NPLOC4: variants seen among roughly 807,000 people sequenced by gnomAD.
NPLOC4 encodes nuclear protein localization protein 4 homolog.
Under a neutral mutation model 80.6 loss-of-function variants are expected in NPLOC4, and 18 were observed. The observed-to-expected ratio is 0.22, with a 90% CI of 0.15 to 0.33. The LOEUF (loss-of-function observed/expected upper bound fraction) is 0.33. Ranked by LOEUF, NPLOC4 falls within the 10% of genes least tolerant of loss-of-function variation. The pLI is 1.00. For synonymous variants in NPLOC4, 313 were observed against 301.5 expected (o/e 1.04, Z -0.39); for missense variants, 540 against 786.1 (o/e 0.69, Z 3.74).
rs199626420 is a variant in NPLOC4, at chr17:81,596,192, C to T, written c.1044G>A (p.Gln348=). 7.7e-5 allele frequency: 124 copies of T among 1,613,992 alleles called. No individual in the cohort carries two copies. The African/African-American group carries it at 1.6e-3, about 21-fold the overall frequency. The change falls in exon 11 of 17, where the codon CAG becomes CAA. Residue 348 remains glutamine (Q), a synonymous_variant. Transcript: ENST00000331134. Reference sequence around the variant, plus strand: ...GCCGGCACATGTTGGGATGCTTGTTCTGGAAGTCTCCTGCAGTGATGCACT... The same window carrying T: ...GCCGGCACATGTTGGGATGCTTGTTTTGGAAGTCTCCTGCAGTGATGCACT... The part of the protein sequence containing the change: ...SEECITAGDF[Q]NKHPNMCRLS...
intron 8 of NPLOC4, among the ~76,000 whole-genome samples, chr17:81,602,537 T>A (rs886175033): frequency 6.6e-6 from 1 of 151,918 alleles, no homozygotes; most frequent in Non-Finnish European, 1.5e-5. Flanking sequence ...ACCCTGTCTC[T>A]ACTAAAATTA....
rs904951276 is a variant in NPLOC4, at chr17:81,557,456, A to C, written c.*1803T>G. The stretch of plus-strand genomic sequence containing the variant: ...GGTGGAGGACAACGGAAACTATAAT[A>C]GCGTGGTGGATAAGGACGAGCGAGT... On this transcript the variant is annotated 3_prime_UTR_variant, in exon 17 of 17. Transcript: ENST00000331134. The C allele has an allele frequency of 2.0e-5, 3 of 152,342 alleles. No homozygotes were observed. Among genetic ancestry groups the C allele is most frequent in the Admixed American group, 2.0e-4 (3 of 15,286 alleles). The allele number at this position is 152,342 out of a possible 1,614,324, so 9.4% of individuals were successfully genotyped here.
chr17:81,585,779 G>T (rs541805942), intron 12 of NPLOC4, among the ~76,000 whole-genome samples: 1 of 152,062 alleles, frequency 6.6e-6, no homozygotes, highest in Non-Finnish European at 1.5e-5. Context: ...TTGAGCCTAG[G>T]AGTTCAAGAC....
At chr17:81,608,951 G>A (rs1256426485) in intron 5 of NPLOC4, 129 bp from the exon 6 acceptor site, 16 of 629,582 alleles carry the variant, frequency 2.5e-5, no homozygotes, top group Admixed American at 1.1e-4. Context: ...GTGAAAGCAG[G>A]TACTAGGGTC....
chr17:81,587,914 A>T (rs1396299385), intron 12 of NPLOC4, among the ~76,000 whole-genome samples: 1 of 151,594 alleles, frequency 6.6e-6, no homozygotes, highest in Admixed American at 6.6e-5. Context: ...TGACCTTGTG[A>T]TCCGCCCATC....
At chr17:81,615,569 CTCAG>C (rs1198189793) in intron 3 of NPLOC4, among the ~76,000 whole-genome samples, 1 of 152,232 alleles carries the variant, frequency 6.6e-6, no homozygotes, top group Non-Finnish European at 1.5e-5. Flanking sequence ...CAGCAGTGCA[CTCAG>C]ACAGCAGCCA....
intron 12 of NPLOC4, among the ~76,000 whole-genome samples, chr17:81,579,365 G>C (rs1189200306): frequency 6.6e-6 from 1 of 152,184 alleles, no homozygotes; most frequent in African/African-American, 2.4e-5. Flanking sequence ...GTGACAGAGC[G>C]AGACTCCATC....
chr17:81,558,629 C>G lies in NPLOC4; in HGVS notation c.*630G>C, dbSNP rs766349893. On this transcript the variant is annotated 3_prime_UTR_variant, in exon 17 of 17. Transcript: ENST00000331134. ...TCTTCTGGGCAGGAATTACTGATAACTGTTATTATAACCAATGCAGACTTT... is the reference window on the plus strand; with the variant it reads ...TCTTCTGGGCAGGAATTACTGATAAGTGTTATTATAACCAATGCAGACTTT... The G allele has an allele frequency of 1.3e-5, 2 of 152,208 alleles. No homozygotes were observed. The highest frequency in any genetic ancestry group is 2.9e-5 in the Non-Finnish European group (2 of 68,048). The allele number at this position is 152,208 out of a possible 1,614,324, so 9.4% of individuals were successfully genotyped here.
In NPLOC4 at chr17:81,567,337, G is replaced by A. The variant is rs1000289970; in HGVS notation, c.1566+80C>T. On this transcript the variant is annotated intron_variant, in intron 15 of 16. Coordinates refer to ENST00000331134, the MANE Select transcript of NPLOC4 (RefSeq NM_017921.4). This position sits in a 1 kb window ranked among gnomAD's most constrained non-coding sequence, Gnocchi z 4.5. ...GTTTCCCAATCATGCTCTGGTCTGGGAGGAAAGAAAGCAAGACACAGGCGT... is the reference window on the plus strand; with the variant it reads ...GTTTCCCAATCATGCTCTGGTCTGGAAGGAAAGAAAGCAAGACACAGGCGT... The A allele has an allele frequency of 4.7e-6, 4 of 851,134 alleles. No homozygotes were observed. The highest frequency in any genetic ancestry group is 4.1e-5 in the Admixed American group (2 of 48,988). 52.7% of individuals were successfully genotyped at this position (851,134 alleles called of 1,614,324 possible).
chr17:81,613,588 C>A, intron 3 of NPLOC4, 94 bp from the exon 4 acceptor site: 2 of 1,187,518 alleles, frequency 1.7e-6, no homozygotes, highest in Non-Finnish European at 2.4e-6. Flanking sequence ...AAATGCCAAC[C>A]ACCCCTGTAG....
At chr17:81,601,835 G>C (rs2035063568) in intron 8 of NPLOC4, among the ~76,000 whole-genome samples, 1 of 152,146 alleles carries the variant, frequency 6.6e-6, no homozygotes, top group African/African-American at 2.4e-5. Flanking sequence ...ACACACATTT[G>C]TGCAGGGGCC....
chr17:81,597,887 G>C (rs2144184172), intron 9 of NPLOC4, among the ~76,000 whole-genome samples: 1 of 151,774 alleles, frequency 6.6e-6, no homozygotes, highest in South Asian at 2.1e-4. Context: ...GAGGTCAGGA[G>C]ATCAAGACCA....
intron 3 of NPLOC4, among the ~76,000 whole-genome samples, chr17:81,618,506 C>A (rs556824976): frequency 2.7e-5 from 4 of 148,208 alleles, no homozygotes; most frequent in Non-Finnish European, 4.5e-5. Flanking sequence ...CGACCCCGCC[C>A]GGCCAGCCGC....
At chr17:81,582,295 A>G (rs547697926) in intron 12 of NPLOC4, among the ~76,000 whole-genome samples, 17 of 152,350 alleles carry the variant, frequency 1.1e-4, no homozygotes, top group African/African-American at 2.9e-4. Flanking sequence ...TCACATCCGT[A>G]CCAGGAGGTT....
At chr17:81,597,446 C>T in intron 9 of NPLOC4, 130 bp from the exon 10 acceptor site, 6 of 692,114 alleles carry the variant, frequency 8.7e-6, no homozygotes, top group East Asian at 5.4e-5. Flanking sequence ...GTTAAGAGAT[C>T]GAGACCATCC....
In NPLOC4 at chr17:81,606,708, T is replaced by C. The variant is rs745824625; in HGVS notation, c.637A>G (p.Ile213Val). ...CATCTCACCTGTCTGTTCAGCGTGA[T>C]GGCGCTCGGCTGGCACTTAGTACAG... ...GICTKCQPSA[I>V]TLNRQKYRHV... Residue 213 changes from isoleucine (I) to valine (V), a missense_variant, in exon 7 of 17, where the codon ATC (isoleucine) becomes GTC (valine). Ile to Val is a conservative substitution (Grantham distance 29). Coordinates refer to ENST00000331134, the MANE Select transcript of NPLOC4 (RefSeq NM_017921.4). 2 of 1,613,554 alleles carry C rather than the reference T, an allele frequency of 1.2e-6. No homozygotes were observed.
At chr17:81,585,188 A>AG (rs2034544239) in intron 12 of NPLOC4, among the ~76,000 whole-genome samples, 1 of 150,910 alleles carries the variant, frequency 6.6e-6, no homozygotes, top group Non-Finnish European at 1.5e-5. Context: ...AAAAAAAAAA[A>AG]AAAAAAAGAG....
intron 11 of NPLOC4, 71 bp downstream of exon 11, chr17:81,596,045 G>C: frequency 6.8e-7 from 1 of 1,476,214 alleles, no homozygotes; most frequent in Admixed American, 1.9e-5. Flanking sequence ...AGGATAAAAA[G>C]CTACCAAAAA....
chr17:81,594,515 G>A (rs143573743), intron 11 of NPLOC4, among the ~76,000 whole-genome samples: 18,262 of 151,896 alleles, frequency 0.12, 1,273 homozygotes, highest in Non-Finnish European at 0.15. Context: ...AGTGGCTCAC[G>A]CCTGTCATCC....
Sources: gnomAD v4.1 joint callset for allele counts (sites outside exome capture counted in the v4.1 genomes callset) on GRCh38, gnomAD v4.1.1 for gene constraint, Gnocchi (gnomAD v3.1) non-coding constraint, MANE v1.5 for transcripts, NCBI Gene and HGNC (gene_info 2026-07-23, HGNC 2026-07-21) for gene names.